The following PTPRD variants were observed in gnomAD, a reference collection of about 807,000 sequenced individuals.
PTPRD encodes receptor-type tyrosine-protein phosphatase delta.
In PTPRD, 34 loss-of-function variants were observed where a neutral mutation model predicts 214.5. That is an observed-to-expected ratio of 0.16 (90% CI 0.12 to 0.21). PTPRD has a LOEUF of 0.21. Ranked by LOEUF, PTPRD falls within the 10% of genes least tolerant of loss-of-function variation. PTPRD has a pLI of 1.00. For missense variants in PTPRD, 2,545 were observed against 2,398.7 expected, an observed-to-expected ratio of 1.06 and a Z score of -1.27; for synonymous variants, 1,128 against 845.7, an observed-to-expected ratio of 1.33 and a Z score of -5.79.
intron 4 of PTPRD, among the ~76,000 whole-genome samples, chr9:9,963,520 G>C (rs965744139): frequency 6.6e-5 from 10 of 152,152 alleles, no homozygotes; most frequent in African/African-American, 2.4e-4. Flanking sequence ...CCAGATGGAA[G>C]CATCATCGAA....
intron 2 of PTPRD, among the ~76,000 whole-genome samples, chr9:10,564,094 G>T (rs1008150604): frequency 6.7e-6 from 1 of 148,496 alleles, no homozygotes; most frequent in Non-Finnish European, 1.5e-5. Flanking sequence ...CAGCCTCTGG[G>T]GCTCAAGTAA....
At chr9:8,670,378 G>A (rs148180798) in intron 12 of PTPRD, among the ~76,000 whole-genome samples, 2 of 152,038 alleles carry the variant, frequency 1.3e-5, no homozygotes, top group African/African-American at 4.8e-5. Flanking sequence ...ATTACACAGA[G>A]AATGAAACAG....
intron 5 of PTPRD, among the ~76,000 whole-genome samples, chr9:9,852,045 C>G (rs373887248): frequency 1.3e-5 from 2 of 152,058 alleles, no homozygotes; most frequent in East Asian, 3.9e-4. Context: ...GTATATAACT[C>G]TTCTCATCTG....
intron 2 of PTPRD, among the ~76,000 whole-genome samples, chr9:10,352,210 A>G (rs899437481): frequency 6.6e-6 from 1 of 152,042 alleles, no homozygotes; most frequent in Non-Finnish European, 1.5e-5. Flanking sequence ...AAATCACTGT[A>G]CTAAAATCAA....
chr9:10,014,427 A>G (rs758347254), intron 4 of PTPRD, among the ~76,000 whole-genome samples: 1 of 152,060 alleles, frequency 6.6e-6, no homozygotes, highest in Non-Finnish European at 1.5e-5. Flanking sequence ...TCCAGTGACC[A>G]TGAAGCATTC....
At chr9:9,897,034 C>T (rs2075162337) in intron 5 of PTPRD, among the ~76,000 whole-genome samples, 1 of 151,736 alleles carries the variant, frequency 6.6e-6, no homozygotes, top group South Asian at 2.1e-4. Flanking sequence ...ACAATGTTTC[C>T]CTTTGGGATT....
chr9:9,838,116 G>T (rs1281401752), intron 5 of PTPRD, among the ~76,000 whole-genome samples: 3 of 152,144 alleles, frequency 2.0e-5, no homozygotes, highest in Admixed American at 6.5e-5. Flanking sequence ...TTTTATGGCC[G>T]CCTAGTATTC....
intron 3 of PTPRD, among the ~76,000 whole-genome samples, chr9:10,307,729 C>T (rs1052021846): frequency 5.9e-5 from 9 of 151,894 alleles, no homozygotes; most frequent in African/African-American, 2.2e-4. Context: ...GCCAGCATCT[C>T]TTATTTTTTG....
chr9:8,985,676 T>G (rs994849178), intron 11 of PTPRD, among the ~76,000 whole-genome samples: 3 of 151,448 alleles, frequency 2.0e-5, no homozygotes, highest in East Asian at 1.9e-4. Flanking sequence ...AGGTGTTAGG[T>G]GGTAAAGCTG....
chr9:9,418,952 T>G (rs188405980), intron 8 of PTPRD, among the ~76,000 whole-genome samples: 2 of 151,688 alleles, frequency 1.3e-5, no homozygotes, highest in Non-Finnish European at 3.0e-5. Flanking sequence ...GCAGAAAGAG[T>G]GTAGTGGAGA....
At chr9:8,363,617 G>A (rs1162281665) in intron 39 of PTPRD, among the ~76,000 whole-genome samples, 3 of 152,164 alleles carry the variant, frequency 2.0e-5, no homozygotes, top group Non-Finnish European at 2.9e-5. Flanking sequence ...TCCTGTGAAG[G>A]AAATTCACAT....
intron 8 of PTPRD, among the ~76,000 whole-genome samples, chr9:9,430,008 C>A (rs1231175731): frequency 6.6e-6 from 1 of 152,140 alleles, no homozygotes; most frequent in Non-Finnish European, 1.5e-5. Flanking sequence ...GGGATGCCCT[C>A]TCTCACCACT....
chr9:8,449,363 C>G (rs112635454), intron 34 of PTPRD, among the ~76,000 whole-genome samples: 7 of 151,200 alleles, frequency 4.6e-5, no homozygotes, highest in African/African-American at 1.7e-4. Context: ...GTACAGTCAT[C>G]CATTTACTCA....
chr9:8,372,948 T>A (rs1051412425), intron 39 of PTPRD, among the ~76,000 whole-genome samples: 1 of 151,994 alleles, frequency 6.6e-6, no homozygotes, highest in Non-Finnish European at 1.5e-5. Flanking sequence ...TGGATCTACT[T>A]TGTCACTACT....
chr9:10,563,496 A>G (rs1488338939), intron 2 of PTPRD, among the ~76,000 whole-genome samples: 1 of 152,214 alleles, frequency 6.6e-6, no homozygotes, highest in Non-Finnish European at 1.5e-5. Context: ...TTCCCTCTTA[A>G]TATTTTAGCT....
At chr9:10,588,695 A>C (rs1043833121) in intron 2 of PTPRD, among the ~76,000 whole-genome samples, 1 of 152,000 alleles carries the variant, frequency 6.6e-6, no homozygotes, top group African/African-American at 2.4e-5. Context: ...AGAAATTATC[A>C]TCTTTGATAT....
intron 2 of PTPRD, among the ~76,000 whole-genome samples, chr9:10,417,854 A>C (rs2098507297): frequency 6.6e-6 from 1 of 151,776 alleles, no homozygotes; most frequent in South Asian, 2.1e-4. Flanking sequence ...ATCTTCCATT[A>C]ACTTGCCAGC....
At chr9:8,836,587 C>CGTT (rs2097427566) in intron 11 of PTPRD, among the ~76,000 whole-genome samples, 1 of 66,800 alleles carries the variant, frequency 1.5e-5, no homozygotes, top group African/African-American at 6.3e-5. Flanking sequence ...TAATAAAAAC[C>CGTT]TTTTTTTTTT....
At chr9:8,986,340 A>G (rs868365828) in intron 11 of PTPRD, among the ~76,000 whole-genome samples, 2 of 152,070 alleles carry the variant, frequency 1.3e-5, no homozygotes, top group Admixed American at 6.6e-5. Context: ...GAATCATTGC[A>G]GAAGGGTTAA....
Sources: allele counts gnomAD v4.1 joint callset (sites outside exome capture counted in the v4.1 genomes callset), GRCh38; gene constraint gnomAD v4.1.1; transcripts MANE v1.5; gene names NCBI Gene and HGNC (gene_info 2026-07-23, HGNC 2026-07-21).